FRMD5: variants seen among roughly 807,000 people sequenced by gnomAD.
FRMD5 encodes the protein FERM domain containing 5.
In FRMD5, 20 loss-of-function variants were observed where a neutral mutation model predicts 69.0. That is an observed-to-expected ratio of 0.29 (90% CI 0.20 to 0.42). FRMD5 has a LOEUF of 0.42. Ranked by LOEUF, FRMD5 falls within the 10% of genes least tolerant of loss-of-function variation. The pLI is 1.00. For missense variants in FRMD5, 595 were observed against 708.6 expected, an observed-to-expected ratio of 0.84 and a Z score of 1.82; for synonymous variants, 271 against 260.1, an observed-to-expected ratio of 1.04 and a Z score of -0.40.
intron 1 of FRMD5, among the ~76,000 whole-genome samples, chr15:44,057,050 A>G (rs1312710416): frequency 6.6e-5 from 10 of 152,162 alleles, no homozygotes; most frequent in African/African-American, 2.4e-4. Flanking sequence ...ACTCTCCATG[A>G]CTGACCTTTG....
At chr15:43,989,882 G>A in intron 1 of FRMD5, 1 of 1,062,182 alleles carries the variant, frequency 9.4e-7, no homozygotes, top group Non-Finnish European at 1.5e-6. Context: ...AGCATGGGGT[G>A]CTCCTTGGCA....
intron 1 of FRMD5, among the ~76,000 whole-genome samples, chr15:44,125,192 C>T (rs1276606870): frequency 6.6e-6 from 1 of 152,036 alleles, no homozygotes; most frequent in Non-Finnish European, 1.5e-5. Flanking sequence ...ATCCCAGCTA[C>T]TCAGGACACT....
At chr15:44,060,530 C>A (rs1230199166) in intron 1 of FRMD5, among the ~76,000 whole-genome samples, 1 of 152,174 alleles carries the variant, frequency 6.6e-6, no homozygotes, top group Non-Finnish European at 1.5e-5. Flanking sequence ...TAAAAAGGTA[C>A]ATCTTAGAAA....
intron 1 of FRMD5, among the ~76,000 whole-genome samples, chr15:44,039,427 C>T (rs556442365): frequency 2.5e-4 from 38 of 152,272 alleles, no homozygotes; most frequent in Admixed American, 7.2e-4. Context: ...GGAGAGCTCT[C>T]GCTGGCAACT....
chr15:44,141,413 T>C (rs1297603251), intron 1 of FRMD5, among the ~76,000 whole-genome samples: 4 of 152,146 alleles, frequency 2.6e-5, no homozygotes, highest in Non-Finnish European at 5.9e-5. Context: ...AACAGTCAAG[T>C]ACATACACAG....
At chr15:43,878,494 T>C (rs2140340788) in intron 13 of FRMD5, among the ~76,000 whole-genome samples, 1 of 152,348 alleles carries the variant, frequency 6.6e-6, no homozygotes, top group South Asian at 2.1e-4. Flanking sequence ...CTAGAGCTCT[T>C]GCTGTTCCTC....
Position 44,038,271 on chromosome 15 carries a change from C to T in FRMD5, c.103-113962G>A, listed in dbSNP as rs190735166. On this transcript the variant is annotated intron_variant, in intron 1 of 13. Coordinates refer to ENST00000417257, the MANE Select transcript of FRMD5 (RefSeq NM_032892.5). ...TTCACTCTGATGATAGTTTCTTTTG[C>T]TGTGCAGAAGCTCTTTAGTTTAATT... Among the ~76,000 whole-genome samples the T allele has an allele frequency of 4.9e-3, 744 of 152,180 alleles. 6 individuals carry two copies. Among genetic ancestry groups the T allele is most frequent in the African/African-American group, 0.017 (715 of 41,536 alleles).
chr15:44,124,570 G>A (rs1566959026), intron 1 of FRMD5, among the ~76,000 whole-genome samples: 1 of 151,680 alleles, frequency 6.6e-6, no homozygotes, highest in Admixed American at 6.6e-5. Context: ...ATGGTGGCAC[G>A]CGCCTGTAGT....
intron 2 of FRMD5, among the ~76,000 whole-genome samples, chr15:43,922,119 C>T (rs925536793): frequency 6.6e-5 from 10 of 152,206 alleles, no homozygotes; most frequent in African/African-American, 2.4e-4. Context: ...CTTAACCCCT[C>T]CCGCAAGGCA....
chr15:44,147,964 T>A (rs1220518004), intron 1 of FRMD5, among the ~76,000 whole-genome samples: 1 of 152,210 alleles, frequency 6.6e-6, no homozygotes, highest in Non-Finnish European at 1.5e-5. Flanking sequence ...CTTTCAGTGC[T>A]GATTGCTGCT....
chr15:44,139,805 A>C (rs1482033835), intron 1 of FRMD5, among the ~76,000 whole-genome samples: 1 of 151,818 alleles, frequency 6.6e-6, no homozygotes, highest in African/African-American at 2.4e-5. Flanking sequence ...ATAATGAATG[A>C]AAGTATACAA....
At chr15:44,035,816 A>C (rs1475479918) in intron 1 of FRMD5, among the ~76,000 whole-genome samples, 2 of 152,140 alleles carry the variant, frequency 1.3e-5, no homozygotes, top group Non-Finnish European at 2.9e-5. Context: ...ATATCATAAA[A>C]CTTGAGTAGC....
intron 1 of FRMD5, among the ~76,000 whole-genome samples, chr15:44,084,257 T>C (rs1207224509): frequency 6.6e-6 from 1 of 152,048 alleles, no homozygotes; most frequent in Non-Finnish European, 1.5e-5. Context: ...CCCCCTGTTT[T>C]GCAAGCTGTA....
intron 1 of FRMD5, among the ~76,000 whole-genome samples, chr15:44,191,156 TCA>T (rs1315545299): frequency 6.6e-6 from 1 of 152,240 alleles, no homozygotes; most frequent in Non-Finnish European, 1.5e-5. Context: ...CTAGAGTAGC[TCA>T]CCTTTCAGTA....
At chr15:44,194,539 C>A in intron 1 of FRMD5, 1 of 288,940 alleles carries the variant, frequency 3.5e-6, no homozygotes, top group Middle Eastern at 1.2e-3. Context: ...GAAAAGCCAG[C>A]CATACGTCCT....
chr15:43,881,641 G>A (rs913433890), intron 13 of FRMD5, among the ~76,000 whole-genome samples: 1 of 152,174 alleles, frequency 6.6e-6, no homozygotes, highest in Non-Finnish European at 1.5e-5. Context: ...GCCTGTAAAC[G>A]CTTTAGTCTC....
intron 1 of FRMD5, among the ~76,000 whole-genome samples, chr15:44,039,348 G>A (rs1892080639): frequency 6.6e-6 from 1 of 152,192 alleles, no homozygotes; most frequent in Non-Finnish European, 1.5e-5. Flanking sequence ...CTCCTCAAGT[G>A]GGTCCCTGAC....
intron 1 of FRMD5, among the ~76,000 whole-genome samples, chr15:44,170,354 C>T (rs921036158): frequency 6.6e-6 from 1 of 152,108 alleles, no homozygotes; most frequent in African/African-American, 2.4e-5. Flanking sequence ...GAAACCACGT[C>T]TCTACTAAAA....
At chr15:44,078,529 T>C (rs1359502148) in intron 1 of FRMD5, among the ~76,000 whole-genome samples, 1 of 152,056 alleles carries the variant, frequency 6.6e-6, no homozygotes, top group Non-Finnish European at 1.5e-5. Context: ...CAAAACTTAC[T>C]AGAAAGCTAC....
Sources: allele counts gnomAD v4.1 joint callset (sites outside exome capture counted in the v4.1 genomes callset), GRCh38; gene constraint gnomAD v4.1.1; transcripts MANE v1.5; gene names NCBI Gene and HGNC (gene_info 2026-07-23, HGNC 2026-07-21).